The following ACKR2 variants were observed in gnomAD, a reference collection of about 807,000 sequenced individuals.
ACKR2 encodes the protein atypical chemokine receptor 2.
For missense variants in ACKR2, 457 were observed against 477.3 expected, an observed-to-expected ratio of 0.96 and a Z score of 0.40; for synonymous variants, 207 against 192.2, an observed-to-expected ratio of 1.08 and a Z score of -0.64.
intron 2 of ACKR2, among the ~76,000 whole-genome samples, chr3:42,833,675 CT>C (rs368659829): frequency 2.2e-4 from 33 of 151,422 alleles, no homozygotes; most frequent in African/African-American, 7.5e-4. Context: ...ACACATACTA[CT>C]TAGTGGGAAT....
At chr3:42,821,389 G>A (rs1700808310) in intron 2 of ACKR2, among the ~76,000 whole-genome samples, 2 of 152,176 alleles carry the variant, frequency 1.3e-5, no homozygotes, top group African/African-American at 4.8e-5. Context: ...ACGCACACAG[G>A]AGTCCTGTTT....
chr3:42,859,564 G>A (rs572035920), intron 2 of ACKR2, among the ~76,000 whole-genome samples: 30 of 152,058 alleles, frequency 2.0e-4, no homozygotes, highest in African/African-American at 7.2e-4. Context: ...TGTATTTTTA[G>A]TAGAGATGGG....
chr3:42,844,453 G>A (rs1484316417), intron 2 of ACKR2, among the ~76,000 whole-genome samples: 2 of 152,172 alleles, frequency 1.3e-5, no homozygotes, highest in Non-Finnish European at 2.9e-5. Flanking sequence ...GGTTCTTGGT[G>A]GGGGGCAGGG....
intron 2 of ACKR2, among the ~76,000 whole-genome samples, chr3:42,825,570 A>G (rs1250679923): frequency 2.9e-5 from 4 of 137,864 alleles, no homozygotes; most frequent in African/African-American, 1.1e-4. Context: ...ATAACTTGTT[A>G]GCTCTGATGT....
intron 1 of ACKR2, among the ~76,000 whole-genome samples, chr3:42,813,276 T>TCATATTTTGCCCTAC (rs1700713921): frequency 6.6e-6 from 1 of 152,218 alleles, no homozygotes; most frequent in South Asian, 2.1e-4. Flanking sequence ...AATATTAACT[T>TCATATTTTGCCCTAC]AAAATCTTGG....
chr3:42,856,856 T>C (rs1419410478), intron 2 of ACKR2, among the ~76,000 whole-genome samples: 1 of 151,442 alleles, frequency 6.6e-6, no homozygotes, highest in Non-Finnish European at 1.5e-5. Context: ...GTGAATGCTC[T>C]TTGTTCAATA....
At chr3:42,861,854 A>T (rs186387373) in intron 2 of ACKR2, among the ~76,000 whole-genome samples, 17 of 152,320 alleles carry the variant, frequency 1.1e-4, no homozygotes, top group Admixed American at 1.1e-3. Flanking sequence ...GTACTGATGG[A>T]ACATATCTCA....
In ACKR2 at chr3:42,867,190, G is replaced by GT. The variant is rs2088442483; in HGVS notation, c.*1535dup. 6.0e-6 allele frequency: 1 copy of GT among 167,082 alleles called. No individual in the cohort carries two copies. The highest frequency in any genetic ancestry group is 6.5e-5 in the Admixed American group (1 of 15,292). The allele number at this position is 167,082 out of a possible 1,614,324, so 10.3% of individuals were successfully genotyped here. A position where few individuals can be genotyped will look rare whatever the true frequency, so the allele number is the denominator to read the frequency against. On this transcript the variant is annotated 3_prime_UTR_variant, in exon 3 of 3. Transcript: ENST00000422265. ...ACAGGGCCAGATTCATCATTTCAAA[G>GT]TTACTTTCTATATGCGGCCGGAACA...
At chr3:42,855,279 C>T (rs2088301437) in intron 2 of ACKR2, among the ~76,000 whole-genome samples, 1 of 152,190 alleles carries the variant, frequency 6.6e-6, no homozygotes, top group African/African-American at 2.4e-5. Flanking sequence ...ACTTGGATTT[C>T]AGATGCAACT....
chr3:42,834,965 A>G (rs1478387231), intron 2 of ACKR2, among the ~76,000 whole-genome samples: 2 of 151,974 alleles, frequency 1.3e-5, no homozygotes, highest in East Asian at 3.9e-4. Context: ...GGCTCACTGC[A>G]GCCTCTGCCT....
At chr3:42,845,085 T>A (rs920901428) in intron 2 of ACKR2, among the ~76,000 whole-genome samples, 1 of 152,180 alleles carries the variant, frequency 6.6e-6, no homozygotes, top group African/African-American at 2.4e-5. Context: ...GGACTCCCCA[T>A]GTGCCATGTC....
At chr3:42,827,150 C>T (rs1700876290) in intron 2 of ACKR2, among the ~76,000 whole-genome samples, 1 of 152,262 alleles carries the variant, frequency 6.6e-6, no homozygotes, top group East Asian at 1.9e-4. Flanking sequence ...ATTCTCTGTC[C>T]TGGAGAATGC....
In ACKR2 at chr3:42,824,148, C is replaced by T. The variant is rs118098158; in HGVS notation, c.-38+4437C>T. ...AAATATTTCAAAATCCAGGAAATTCCGAAATCCAAAACACTTCTGGTGCCA... is the reference window on the plus strand; with the variant it reads ...AAATATTTCAAAATCCAGGAAATTCTGAAATCCAAAACACTTCTGGTGCCA... On this transcript the variant is annotated intron_variant, in intron 2 of 2. Transcript: ENST00000422265. Among the ~76,000 whole-genome samples the T allele has an allele frequency of 2.6e-3, 390 of 152,172 alleles. 8 individuals are homozygous for T. The East Asian group carries it at 0.047, about 18-fold the overall frequency.
At chr3:42,823,687 C>T (rs1363947910) in intron 2 of ACKR2, among the ~76,000 whole-genome samples, 1 of 152,154 alleles carries the variant, frequency 6.6e-6, no homozygotes, top group Non-Finnish European at 1.5e-5. Context: ...TTGTATATGC[C>T]CTGAGGGAAC....
chr3:42,840,391 G>A (rs1205710147), intron 2 of ACKR2, among the ~76,000 whole-genome samples: 1 of 152,126 alleles, frequency 6.6e-6, no homozygotes, highest in African/African-American at 2.4e-5. Flanking sequence ...TCTCTGGTGG[G>A]AGGGATAGGA....
intron 1 of ACKR2, among the ~76,000 whole-genome samples, chr3:42,815,030 T>G (rs1350212187): frequency 6.6e-6 from 1 of 152,196 alleles, no homozygotes; most frequent in African/African-American, 2.4e-5. Context: ...CATTTGTGAC[T>G]AGAGCAGAGT....
chr3:42,827,150 C>A (rs1700876290), intron 2 of ACKR2, among the ~76,000 whole-genome samples: 1 of 152,144 alleles, frequency 6.6e-6, no homozygotes, highest in African/African-American at 2.4e-5. Context: ...ATTCTCTGTC[C>A]TGGAGAATGC....
At chr3:42,848,575 A>G (rs1425086110) in intron 2 of ACKR2, among the ~76,000 whole-genome samples, 2 of 152,214 alleles carry the variant, frequency 1.3e-5, no homozygotes, top group Non-Finnish European at 2.9e-5. Context: ...TCTAATTAAT[A>G]TATGATGGAA....
At chr3:42,813,844 A>C (rs899349165) in intron 1 of ACKR2, among the ~76,000 whole-genome samples, 3 of 152,238 alleles carry the variant, frequency 2.0e-5, no homozygotes, top group African/African-American at 7.2e-5. Context: ...GTTGAGGAAT[A>C]GATGGAATTT....
Sources: allele counts gnomAD v4.1 joint callset (sites outside exome capture counted in the v4.1 genomes callset), GRCh38; gene constraint gnomAD v4.1.1; transcripts MANE v1.5; gene names NCBI Gene and HGNC (gene_info 2026-07-23, HGNC 2026-07-21).